RAB5A: variants seen among roughly 807,000 people sequenced by gnomAD.
The protein encoded by RAB5A is ras-related protein Rab-5A.
RAB5A carries 8 observed loss-of-function variants against 25.7 expected under a neutral mutation model. That is an observed-to-expected ratio of 0.31 (90% CI 0.18 to 0.56). RAB5A has a LOEUF of 0.56. Among genes scored for constraint, RAB5A ranks in the 20% least tolerant of loss-of-function variants. The pLI, the probability that RAB5A is intolerant of heterozygous loss-of-function variation, is 0.91. For missense variants in RAB5A, 192 were observed against 259.7 expected, an observed-to-expected ratio of 0.74 and a Z score of 1.79; for synonymous variants, 98 against 89.8, an observed-to-expected ratio of 1.09 and a Z score of -0.52.
At position 19,963,372 on chromosome 3, in the gene RAB5A, C is replaced by CT. The variant is rs1474658375; in HGVS notation, c.164-12229_164-12228insT. On this transcript the variant is annotated intron_variant, in intron 2 of 5. Transcript: ENST00000273047. The stretch of plus-strand genomic sequence containing the variant: ...GGATATCTTAGAATTTCACCCCCCC[C>CT]CCCCCCGACTTATTTTCGTAAGATC... Among the ~76,000 whole-genome samples, 4 of 120,586 alleles carry CT rather than the reference C, an allele frequency of 3.3e-5. No homozygotes were observed. The East Asian group carries it at 1.2e-3, about 37-fold the overall frequency. The allele number at this position is 120,586 out of a possible 152,430, so 79.1% of individuals were successfully genotyped here. A position where few individuals can be genotyped will look rare whatever the true frequency, so the allele number is the denominator to read the frequency against.
intron 5 of RAB5A, among the ~76,000 whole-genome samples, chr3:19,982,432 A>T (rs1696947167): frequency 6.6e-6 from 1 of 152,198 alleles, no homozygotes; most frequent in Non-Finnish European, 1.5e-5. Flanking sequence ...CTTGGGTGTT[A>T]TCTGTCCTTC....
At position 19,985,022 on chromosome 3, in the gene RAB5A, G is replaced by A. The variant is rs1697005972; in HGVS notation, c.*1199G>A. The A allele has an allele frequency of 5.1e-6, 1 of 197,592 alleles. No homozygotes were observed. The highest frequency in any genetic ancestry group is 1.2e-4 in the South Asian group (1 of 8,238). The allele number at this position is 197,592 out of a possible 1,614,324, so 12.2% of individuals were successfully genotyped here. ...TTTTAGGTATTTTCATTATATGAAA[G>A]CTACCATGTGTCAGAGATGATTTAA... On this transcript the variant is annotated 3_prime_UTR_variant, in exon 6 of 6. Transcript: ENST00000273047.
In RAB5A at chr3:19,983,755, G is replaced by A. The variant is rs769770592; in HGVS notation, c.580G>A (p.Ala194Thr). The A allele has an allele frequency of 1.2e-6, 2 of 1,612,606 alleles. No homozygotes were observed. Among genetic ancestry groups the A allele is most frequent in the Admixed American group, 1.7e-5 (1 of 59,992 alleles). The change falls in exon 6 of 6, where the codon GCC (alanine) becomes ACC (threonine). Residue 194 changes from alanine to threonine, a missense_variant. Ala to Thr is a moderately conservative substitution (Grantham distance 58). Transcript: ENST00000273047. ...ACCACAAAATCCAGGAGCAAATTCT[G>A]CCAGAGGAAGAGGAGTAGACCTTAC... Reference protein sequence around the residue: ...NEPQNPGANSARGRGVDLTEP... With the variant: ...NEPQNPGANSTRGRGVDLTEP...
intron 2 of RAB5A, among the ~76,000 whole-genome samples, chr3:19,959,751 C>T (rs1337990926): frequency 6.6e-6 from 1 of 151,374 alleles, no homozygotes; most frequent in Non-Finnish European, 1.5e-5. Flanking sequence ...CTCAGCCTCC[C>T]AAGTAGCTGG....
rs1473549580 is a variant in RAB5A at position 19,984,735 on chromosome 3, T to C, written c.*912T>C. 6.5e-6 allele frequency: 1 copy of C among 153,156 alleles called. No individual in the cohort carries two copies. The highest frequency in any genetic ancestry group is 1.5e-5 in the Non-Finnish European group (1 of 68,502). 9.5% of individuals were successfully genotyped at this position (153,156 alleles called of 1,614,324 possible). A position where few individuals can be genotyped will look rare whatever the true frequency, so the allele number is the denominator to read the frequency against. On this transcript the variant is annotated 3_prime_UTR_variant, in exon 6 of 6. Coordinates refer to ENST00000273047, the MANE Select transcript of RAB5A (RefSeq NM_004162.5). ...CTGTAAATAGGGTACTGCATTGTAG[T>C]CTCCATATCTGTATTACTTTTCTGT...
At chr3:19,949,436 C>G (rs1696389554) in intron 1 of RAB5A, among the ~76,000 whole-genome samples, 2 of 152,084 alleles carry the variant, frequency 1.3e-5, no homozygotes, top group African/African-American at 2.4e-5. Flanking sequence ...CCAGGCTGGT[C>G]TCAGAGTCCT....
chr3:19,969,989 ACGGG>A (rs1559490417), intron 2 of RAB5A, among the ~76,000 whole-genome samples: 2 of 146,260 alleles, frequency 1.4e-5, no homozygotes, highest in African/African-American at 5.1e-5. Flanking sequence ...TTTAGTAGAG[ACGGG>A]TTTTCACCAT....
chr3:19,969,051 T>TTG (rs1334169911), intron 2 of RAB5A, among the ~76,000 whole-genome samples: 3 of 142,636 alleles, frequency 2.1e-5, no homozygotes, highest in South Asian at 2.2e-4. Flanking sequence ...TTTGGTTTTT[T>TTG]TTTTTTTTTT....
chr3:19,960,521 G>C (rs1020126777), intron 2 of RAB5A, among the ~76,000 whole-genome samples: 2 of 152,030 alleles, frequency 1.3e-5, no homozygotes, highest in Admixed American at 1.3e-4. Flanking sequence ...GGCTGGTCGC[G>C]AACTCCTGAG....
intron 1 of RAB5A, among the ~76,000 whole-genome samples, chr3:19,948,275 A>G (rs552514654): frequency 5.3e-5 from 8 of 152,334 alleles, no homozygotes; most frequent in Non-Finnish European, 8.8e-5. Context: ...TGTCTTGCTT[A>G]AATGGAATCA....
chr3:19,983,693 A>G lies in RAB5A; in HGVS notation c.533-15A>G, dbSNP rs756845475. On this transcript the variant is annotated splice_polypyrimidine_tract_variant and intron_variant, in intron 5 of 5. Coordinates refer to ENST00000273047, the MANE Select transcript of RAB5A (RefSeq NM_004162.5). ...AGTATTCAAATATTCTATTTATTTG[A>G]TCATTTTCTTTCAGCTAAAAAATTG... 2 of 1,501,064 alleles carry G rather than the reference A, an allele frequency of 1.3e-6. No individual in the cohort carries two copies. The highest frequency in any genetic ancestry group is 3.4e-5 in the Admixed American group (2 of 58,990). 93.0% of individuals were successfully genotyped at this position (1,501,064 alleles called of 1,614,324 possible).
intron 2 of RAB5A, among the ~76,000 whole-genome samples, chr3:19,951,913 AG>A (rs1449479335): frequency 6.6e-6 from 1 of 152,086 alleles, no homozygotes; most frequent in Non-Finnish European, 1.5e-5. Context: ...TGGAACCTGA[AG>A]AAAAAGATGA....
chr3:19,967,050 C>G (rs1696671964), intron 2 of RAB5A, among the ~76,000 whole-genome samples: 1 of 152,164 alleles, frequency 6.6e-6, no homozygotes, highest in Non-Finnish European at 1.5e-5. Flanking sequence ...CTTGGCCTTC[C>G]AAAGTCCTGG....
intron 2 of RAB5A, among the ~76,000 whole-genome samples, chr3:19,952,471 G>T (rs1696438006): frequency 6.6e-6 from 1 of 152,188 alleles, no homozygotes; most frequent in Non-Finnish European, 1.5e-5. Flanking sequence ...CTTGGAATCT[G>T]TCTTTCAGAA....
chr3:19,983,316 A>T (rs1696966579), intron 5 of RAB5A, among the ~76,000 whole-genome samples: 1 of 140,228 alleles, frequency 7.1e-6, no homozygotes, highest in African/African-American at 2.7e-5. Flanking sequence ...AGCCTAGGTG[A>T]GCCTGGGTGA....
chr3:19,958,340 T>C (rs895613682), intron 2 of RAB5A, among the ~76,000 whole-genome samples: 4 of 152,214 alleles, frequency 2.6e-5, no homozygotes, highest in African/African-American at 9.7e-5. Context: ...AGATTTGATA[T>C]TTCAAATTTA....
intron 2 of RAB5A, among the ~76,000 whole-genome samples, chr3:19,965,074 A>T (rs1696641793): frequency 6.6e-6 from 1 of 151,796 alleles, no homozygotes; most frequent in African/African-American, 2.4e-5. Flanking sequence ...GGTGCATGCC[A>T]CCATGCCCGA....
At chr3:19,973,697 A>G (rs773242681) in intron 2 of RAB5A, among the ~76,000 whole-genome samples, 1 of 152,192 alleles carries the variant, frequency 6.6e-6, no homozygotes, top group Non-Finnish European at 1.5e-5. Flanking sequence ...GAGAATTCAT[A>G]AAACTATTAA....
intron 2 of RAB5A, among the ~76,000 whole-genome samples, chr3:19,955,478 C>G (rs1301245493): frequency 6.6e-6 from 1 of 152,124 alleles, no homozygotes; most frequent in Admixed American, 6.6e-5. Context: ...AATAAGTTTT[C>G]CAGATGATTC....
Sources: allele counts gnomAD v4.1 joint callset (sites outside exome capture counted in the v4.1 genomes callset), GRCh38; gene constraint gnomAD v4.1.1; transcripts MANE v1.5; gene names NCBI Gene and HGNC (gene_info 2026-07-23, HGNC 2026-07-21).